Variants in MED22 observed in about 807,000 individuals in gnomAD.
MED22 encodes mediator complex subunit 22, also known as mediator of RNA polymerase II transcription subunit 22.
A neutral mutation model predicts 22.7 loss-of-function variants in MED22; 22 were observed. The ratio of observed to expected loss-of-function variants is 0.97; its 90% CI spans 0.69 to 1.38. The LOEUF is 1.38. Among genes scored for constraint, MED22 ranks in the 40% most tolerant of loss-of-function variants. The pLI is 0.00. For synonymous variants in MED22, 134 were observed against 119.4 expected (o/e 1.12, Z -0.80); for missense variants, 247 against 263.0 (o/e 0.94, Z 0.42).
At position 133,338,643 on chromosome 9, in the gene MED22, T is replaced by C. The variant is rs1835942445; in HGVS notation, c.*2862A>G. ...TTTTAGTAGAGACAGGGTTTCTCCATGTTGGTCAGGCTGGTCTGGAAATCC... is the reference window on the plus strand; with the variant it reads ...TTTTAGTAGAGACAGGGTTTCTCCACGTTGGTCAGGCTGGTCTGGAAATCC... On this transcript the variant is annotated 3_prime_UTR_variant, in exon 5 of 5. Transcript: ENST00000343730. The C allele has an allele frequency of 8.4e-6, 2 of 239,234 alleles. No individual in the cohort carries two copies. Among genetic ancestry groups the C allele is most frequent in the African/African-American group, 2.3e-5 (1 of 44,258 alleles). The allele number at this position is 239,234 out of a possible 1,614,324, so 14.8% of individuals were successfully genotyped here.
chr9:133,344,010 G>A lies in MED22; in HGVS notation c.413+115C>T, dbSNP rs1836096276. 3.3e-6 allele frequency: 5 copies of A among 1,524,456 alleles called. No homozygotes were observed. The East Asian group carries it at 9.4e-5, about 29-fold the overall frequency. The allele number at this position is 1,524,456 out of a possible 1,614,324, so 94.4% of individuals were successfully genotyped here. A position where few individuals can be genotyped will look rare whatever the true frequency, so the allele number is the denominator to read the frequency against. ...GAGCTCTGCTCTGAAACCCAGGCATGGCTCCACTGCTAAGACCAGCAAGAA... is the reference window on the plus strand; with the variant it reads ...GAGCTCTGCTCTGAAACCCAGGCATAGCTCCACTGCTAAGACCAGCAAGAA... On this transcript the variant is annotated intron_variant, in intron 4 of 4. Transcript: ENST00000343730.
At chr9:133,344,780 C>T (rs1448040124) in intron 3 of MED22, among the ~76,000 whole-genome samples, 1 of 152,162 alleles carries the variant, frequency 6.6e-6, no homozygotes, top group Admixed American at 6.5e-5. Context: ...TGTGTTTCTC[C>T]TGTGATCCGA....
Position 133,342,881 on chromosome 9 carries a change from G to T in MED22, c.414-1187C>A, listed in dbSNP as rs1836053956. 5 of 985,570 alleles carry T rather than the reference G, an allele frequency of 5.1e-6. No individual in the cohort carries two copies. In the South Asian group the frequency reaches 2.3e-4, roughly 46 times the overall value. 61.1% of individuals were successfully genotyped at this position (985,570 alleles called of 1,614,324 possible). ...CCCTCTCTCCCTGCCCCAAGGCAAG[G>T]CAGGCAGGCTGAATTACAGGCCCAC... On this transcript the variant is annotated intron_variant, in intron 4 of 4. Coordinates refer to ENST00000343730, the MANE Select transcript of MED22 (RefSeq NM_133640.5).
intron 4 of MED22, chr9:133,342,275 C>T: frequency 1.0e-6 from 1 of 986,292 alleles, no homozygotes; most frequent in Non-Finnish European, 1.2e-6. Flanking sequence ...TCACGGCAGC[C>T]AGGATGCAGG....
rs1835934530 is a variant in MED22 at position 133,338,369 on chromosome 9, G to C, written c.*3136C>G. The C allele has an allele frequency of 6.5e-6, 1 of 153,074 alleles. No individual in the cohort carries two copies. The allele number at this position is 153,074 out of a possible 1,614,324, so 9.5% of individuals were successfully genotyped here. ...TGCCCAAGCTGGAGTGCAGTGGCCCGATCTCGGCTCACTGCAACCTCCGCC... is the reference window on the plus strand; with the variant it reads ...TGCCCAAGCTGGAGTGCAGTGGCCCCATCTCGGCTCACTGCAACCTCCGCC... On this transcript the variant is annotated 3_prime_UTR_variant, in exon 5 of 5. Coordinates refer to ENST00000343730, the MANE Select transcript of MED22 (RefSeq NM_133640.5).
chr9:133,343,105 G>A, intron 4 of MED22: 3 of 1,009,482 alleles, frequency 3.0e-6, no homozygotes, highest in Non-Finnish European at 3.5e-6. Flanking sequence ...AGAACCCCCT[G>A]GAAAACTCTA....
rs1204718394 is a variant in MED22, at chr9:133,339,803, T to C, written c.*1702A>G. Reference sequence around the variant, plus strand: ...TCATGGAGACAAAACCTGTCTGACGTAGGCCCAAGAGAGAACTGCAAATGG... The same window carrying C: ...TCATGGAGACAAAACCTGTCTGACGCAGGCCCAAGAGAGAACTGCAAATGG... On this transcript the variant is annotated 3_prime_UTR_variant, in exon 5 of 5. Transcript: ENST00000343730. The C allele has an allele frequency of 1.2e-5, 2 of 170,530 alleles. No individual in the cohort carries two copies. Among genetic ancestry groups the C allele is most frequent in the African/African-American group, 2.4e-5 (1 of 41,620 alleles). The allele number at this position is 170,530 out of a possible 1,614,324, so 10.6% of individuals were successfully genotyped here.
intron 2 of MED22, among the ~76,000 whole-genome samples, chr9:133,346,090 G>A (rs2129967164): frequency 6.6e-6 from 1 of 152,208 alleles, no homozygotes; most frequent in African/African-American, 2.4e-5. Flanking sequence ...TATGGAGCCT[G>A]CCAGGTCTGC....
intron 2 of MED22, among the ~76,000 whole-genome samples, chr9:133,346,118 C>T (rs1836172085): frequency 6.6e-6 from 1 of 152,208 alleles, no homozygotes; most frequent in South Asian, 2.1e-4. Context: ...AGGAGGGATC[C>T]AGCCCAATCT....
chr9:133,346,730 G>A, intron 1 of MED22, 30 bp from the exon 2 acceptor site: 1 of 1,572,648 alleles, frequency 6.4e-7, no homozygotes, highest in Non-Finnish European at 8.6e-7. Flanking sequence ...TCTGAGTGCA[G>A]GCAGAGTCTA....
At chr9:133,343,257 G>A (rs1836067201) in intron 4 of MED22, 1 of 1,214,670 alleles carries the variant, frequency 8.2e-7, no homozygotes, top group African/African-American at 1.6e-5. Flanking sequence ...GGAAGGAAAG[G>A]TTTGTCCAGG....
Position 133,344,256 on chromosome 9 carries a change from C to G in MED22, c.282G>C (p.Val94=), listed in dbSNP as rs2129960968. The G allele has an allele frequency of 4.3e-6, 7 of 1,614,218 alleles. No individual in the cohort carries two copies. Among genetic ancestry groups the G allele is most frequent in the Non-Finnish European group, 5.9e-6 (7 of 1,180,046 alleles). The stretch of plus-strand genomic sequence containing the variant: ...GGTTGCGCTGGTCAATGGCCTCGTT[C>G]ACGGAGGGGAAGTCATTGAGGATCA... ...QFLILNDFPS[V]NEAIDQRNQQ... Residue 94 remains valine (V), a synonymous_variant, in exon 4 of 5, where the codon GTG becomes GTC. Coordinates refer to ENST00000343730, the MANE Select transcript of MED22 (RefSeq NM_133640.5).
rs2129956069 is a variant in MED22 at position 133,343,204 on chromosome 9, G to A, written c.413+921C>T. 35 of 1,120,000 alleles carry A rather than the reference G, an allele frequency of 3.1e-5. No individual in the cohort carries two copies. The African/African-American group carries it at 5.2e-4, about 17-fold the overall frequency. 69.4% of individuals were successfully genotyped at this position (1,120,000 alleles called of 1,614,324 possible). On this transcript the variant is annotated intron_variant, in intron 4 of 4. Transcript: ENST00000343730. ...TGGCTCTGGATATCTGTGGCTCCCA[G>A]CATGGCCAATGGGCAGAAAGGAGTA...
chr9:133,341,873 C>T (rs1446339463), intron 4 of MED22, 179 bp from the exon 5 acceptor site: 31 of 1,381,380 alleles, frequency 2.2e-5, no homozygotes, highest in East Asian at 6.0e-5. Context: ...CAAGGAGAGG[C>T]GGCCAGTGGT....
In MED22 at chr9:133,339,744, A is replaced by T. The variant is rs1835964103; in HGVS notation, c.*1761T>A. ...GCCGGGGCTTAGCAATGTGGAGGCCACTGGTGACCTTAATAGGTGTAGTTT... is the reference window on the plus strand; with the variant it reads ...GCCGGGGCTTAGCAATGTGGAGGCCTCTGGTGACCTTAATAGGTGTAGTTT... On this transcript the variant is annotated 3_prime_UTR_variant, in exon 5 of 5. Transcript: ENST00000343730. The T allele has an allele frequency of 4.3e-6, 1 of 231,974 alleles. No homozygotes were observed. Among genetic ancestry groups the T allele is most frequent in the African/African-American group, 2.3e-5 (1 of 42,910 alleles). 14.4% of individuals were successfully genotyped at this position (231,974 alleles called of 1,614,324 possible).
Position 133,339,590 on chromosome 9 carries a change from T to C in MED22, c.*1915A>G. On this transcript the variant is annotated 3_prime_UTR_variant, in exon 5 of 5. Transcript: ENST00000343730. The stretch of plus-strand genomic sequence containing the variant: ...GATACCAGAGGATATGCAATCATCA[T>C]CCATTCTGGTTGTGGTGATGGACGA... The C allele has an allele frequency of 2.2e-6, 1 of 448,198 alleles. No individual in the cohort carries two copies. The highest frequency in any genetic ancestry group is 4.1e-6 in the Non-Finnish European group (1 of 246,368). The allele number at this position is 448,198 out of a possible 1,614,324, so 27.8% of individuals were successfully genotyped here.
At chr9:133,343,181 G>C in intron 4 of MED22, 1 of 1,083,904 alleles carries the variant, frequency 9.2e-7, no homozygotes. Flanking sequence ...GGTCATGCTG[G>C]CTCTGGATAT....
rs1835955080 is a variant in MED22, at chr9:133,339,224, T to G, written c.*2281A>C. The G allele has an allele frequency of 1.5e-6, 1 of 657,804 alleles. No homozygotes were observed. Among genetic ancestry groups the G allele is most frequent in the Non-Finnish European group, 2.9e-6 (1 of 347,128 alleles). The allele number at this position is 657,804 out of a possible 1,614,324, so 40.7% of individuals were successfully genotyped here. On this transcript the variant is annotated 3_prime_UTR_variant, in exon 5 of 5. Coordinates refer to ENST00000343730, the MANE Select transcript of MED22 (RefSeq NM_133640.5). Reference sequence around the variant, plus strand: ...TGCTGTTGGCACTGTTGTAAACAAGTAAGGGCAAGATTCTTGCCAAGAGAA... The same window carrying G: ...TGCTGTTGGCACTGTTGTAAACAAGGAAGGGCAAGATTCTTGCCAAGAGAA...
intron 4 of MED22, 150 bp downstream of exon 4, chr9:133,343,975 C>T (rs1416286225): frequency 6.8e-7 from 1 of 1,469,372 alleles, no homozygotes; most frequent in Non-Finnish European, 9.0e-7. Context: ...CGGTCAAACG[C>T]TCTGGCCAGG....
Sources: allele counts gnomAD v4.1 joint callset (sites outside exome capture counted in the v4.1 genomes callset), GRCh38; gene constraint gnomAD v4.1.1; transcripts MANE v1.5; gene names NCBI Gene and HGNC (gene_info 2026-07-23, HGNC 2026-07-21).